Variants in CCBE1 observed in about 807,000 individuals in gnomAD.
CCBE1 encodes the protein collagen and calcium-binding EGF domain-containing protein 1.
Under a neutral mutation model 50.0 loss-of-function variants are expected in CCBE1, and 37 were observed. The observed-to-expected ratio is 0.74, with a 90% CI of 0.57 to 0.97. CCBE1 has a LOEUF of 0.97. Among genes scored for constraint, CCBE1 ranks in the 50% least tolerant of loss-of-function variants. The probability of loss-of-function intolerance (pLI) is 0.00; values close to 1 mark genes in which losing one functional copy is unlikely to be tolerated. For synonymous variants in CCBE1, 234 were observed against 203.7 expected (o/e 1.15, Z -1.27); for missense variants, 538 against 523.8 (o/e 1.03, Z -0.26).
In CCBE1 at chr18:59,514,911, G is replaced by A. The variant is rs576265329; in HGVS notation, c.213-34673C>T. Among the ~76,000 whole-genome samples, 28 of 151,990 alleles carry A rather than the reference G, an allele frequency of 1.8e-4. No homozygotes were observed. The South Asian group carries it at 4.4e-3, about 24-fold the overall frequency. On this transcript the variant is annotated intron_variant, in intron 2 of 10. Coordinates refer to ENST00000439986, the MANE Select transcript of CCBE1 (RefSeq NM_133459.4). ...GTTTCCTGATCCTAGCTCACTTTAC[G>A]CCTAGAATTACAATAACCCAAGGGG...
chr18:59,513,694 T>C (rs1003332606), intron 2 of CCBE1, among the ~76,000 whole-genome samples: 6 of 152,202 alleles, frequency 3.9e-5, no homozygotes, highest in Non-Finnish European at 7.3e-5. Context: ...AAATTAGCAA[T>C]GGCTACACTT....
intron 2 of CCBE1, among the ~76,000 whole-genome samples, chr18:59,580,154 G>T (rs2053061307): frequency 1.3e-5 from 2 of 152,324 alleles, no homozygotes; most frequent in Admixed American, 1.3e-4. Context: ...GCTGGGAACT[G>T]CTTAGGGCAA....
chr18:59,628,083 G>A (rs1435178758), intron 2 of CCBE1, among the ~76,000 whole-genome samples: 1 of 152,082 alleles, frequency 6.6e-6, no homozygotes, highest in East Asian at 1.9e-4. Context: ...GTGTGGTGGT[G>A]CATGCCTGTA....
At chr18:59,645,955 C>T (rs954204244) in intron 2 of CCBE1, among the ~76,000 whole-genome samples, 2 of 151,898 alleles carry the variant, frequency 1.3e-5, no homozygotes, top group African/African-American at 2.4e-5. Context: ...GGTGTGAACC[C>T]GGCAGACGGA....
intron 2 of CCBE1, among the ~76,000 whole-genome samples, chr18:59,675,175 T>C (rs1326735693): frequency 1.3e-5 from 2 of 152,228 alleles, no homozygotes; most frequent in Admixed American, 6.5e-5. Flanking sequence ...TAGTAGCTTT[T>C]GTTCCTATGA....
At chr18:59,637,477 CAGA>C (rs1488659680) in intron 2 of CCBE1, among the ~76,000 whole-genome samples, 1 of 152,048 alleles carries the variant, frequency 6.6e-6, no homozygotes, top group African/African-American at 2.4e-5. Flanking sequence ...CCATCCACCC[CAGA>C]AGGACAGATA....
intron 2 of CCBE1, among the ~76,000 whole-genome samples, chr18:59,654,647 C>T (rs180993786): frequency 6.6e-6 from 1 of 151,910 alleles, no homozygotes; most frequent in Admixed American, 6.6e-5. Flanking sequence ...ACAAAATTAG[C>T]CGGGCATGGT....
At chr18:59,455,725 C>T (rs1201750409) in intron 5 of CCBE1, among the ~76,000 whole-genome samples, 1 of 152,250 alleles carries the variant, frequency 6.6e-6, no homozygotes, top group Non-Finnish European at 1.5e-5. Context: ...CCTGGGTCAC[C>T]TTGCTGCTGA....
chr18:59,552,902 A>G (rs1340665559), intron 2 of CCBE1, among the ~76,000 whole-genome samples: 2 of 152,154 alleles, frequency 1.3e-5, no homozygotes, highest in Non-Finnish European at 2.9e-5. Flanking sequence ...CTGATCTATA[A>G]TGTAGCTGTC....
intron 2 of CCBE1, among the ~76,000 whole-genome samples, chr18:59,537,493 G>A (rs574079213): frequency 1.3e-4 from 20 of 152,274 alleles, no homozygotes; most frequent in South Asian, 6.2e-4. Context: ...AAACCCTTTC[G>A]CTTGGCTCTC....
At chr18:59,463,594 C>T (rs547709104) in intron 5 of CCBE1, among the ~76,000 whole-genome samples, 1 of 152,328 alleles carries the variant, frequency 6.6e-6, no homozygotes, top group Admixed American at 6.5e-5. Context: ...GAAATTCCAT[C>T]CCGCTTCTCT....
chr18:59,469,415 G>A (rs1172387442), intron 4 of CCBE1, 58 bp downstream of exon 4: 4 of 1,611,538 alleles, frequency 2.5e-6, no homozygotes, highest in Non-Finnish European at 3.4e-6. Context: ...ACCAAGGACA[G>A]AACCATCTGA....
intron 5 of CCBE1, among the ~76,000 whole-genome samples, chr18:59,461,905 T>C (rs1911501669): frequency 6.6e-6 from 1 of 152,014 alleles, no homozygotes; most frequent in Non-Finnish European, 1.5e-5. Flanking sequence ...GCTAATGTTT[T>C]GTATTTTTAG....
chr18:59,557,699 G>C (rs1230566022), intron 2 of CCBE1, among the ~76,000 whole-genome samples: 1 of 152,096 alleles, frequency 6.6e-6, no homozygotes, highest in Non-Finnish European at 1.5e-5. Context: ...ACTTCTAGGG[G>C]GGATTTAAAC....
chr18:59,694,927 T>G (rs1278566071), intron 2 of CCBE1, among the ~76,000 whole-genome samples: 1 of 152,226 alleles, frequency 6.6e-6, no homozygotes, highest in Non-Finnish European at 1.5e-5. Context: ...AATGTCATTT[T>G]TGCGAGATCT....
chr18:59,667,091 T>C (rs901567855), intron 2 of CCBE1, among the ~76,000 whole-genome samples: 18 of 151,678 alleles, frequency 1.2e-4, no homozygotes, highest in Admixed American at 2.6e-4. Context: ...CTGGGCAACA[T>C]AGTGAAACCC....
intron 2 of CCBE1, among the ~76,000 whole-genome samples, chr18:59,572,319 A>G (rs549708517): frequency 1.3e-3 from 201 of 152,272 alleles, no homozygotes; most frequent in African/African-American, 4.7e-3. Context: ...TTGCCCTGTG[A>G]AGCTGGAACC....
At chr18:59,495,247 AT>A (rs1196222883) in intron 2 of CCBE1, among the ~76,000 whole-genome samples, 1 of 152,076 alleles carries the variant, frequency 6.6e-6, no homozygotes, top group Non-Finnish European at 1.5e-5. Flanking sequence ...TTCATGGAAC[AT>A]TTCACACTTT....
At chr18:59,591,940 C>T (rs910338144) in intron 2 of CCBE1, among the ~76,000 whole-genome samples, 2 of 152,204 alleles carry the variant, frequency 1.3e-5, no homozygotes, top group Admixed American at 6.5e-5. Flanking sequence ...ATGCAAAATG[C>T]TCCAAAATCT....
Sources: allele counts gnomAD v4.1 joint callset (sites outside exome capture counted in the v4.1 genomes callset), GRCh38; gene constraint gnomAD v4.1.1; transcripts MANE v1.5; gene names NCBI Gene and HGNC (gene_info 2026-07-23, HGNC 2026-07-21).